Variants in PHYHIPL observed in about 807,000 individuals in gnomAD.
PHYHIPL encodes the protein phytanoyl-CoA 2-hydroxylase interacting protein like.
Under a neutral mutation model 33.4 loss-of-function variants are expected in PHYHIPL, and 9 were observed. The observed-to-expected ratio is 0.27, with a 90% CI of 0.16 to 0.47. The LOEUF (loss-of-function observed/expected upper bound fraction) is 0.47, where lower values mean the gene tolerates loss of function less well. Ranked by LOEUF, PHYHIPL falls within the 20% of genes least tolerant of loss-of-function variation. The pLI, the probability that PHYHIPL is intolerant of heterozygous loss-of-function variation, is 0.99. For missense variants in PHYHIPL, 365 were observed against 460.7 expected, an observed-to-expected ratio of 0.79 and a Z score of 1.90; for synonymous variants, 153 against 154.1, an observed-to-expected ratio of 0.99 and a Z score of 0.05.
At chr10:59,206,265 A>G (rs1056692516) in intron 1 of PHYHIPL, among the ~76,000 whole-genome samples, 3 of 152,152 alleles carry the variant, frequency 2.0e-5, no homozygotes, top group East Asian at 3.9e-4. Context: ...CAATAACCTA[A>G]TAGCCTGATC....
At chr10:59,194,123 C>G (rs1251493866) in intron 1 of PHYHIPL, among the ~76,000 whole-genome samples, 1 of 147,206 alleles carries the variant, frequency 6.8e-6, no homozygotes, top group African/African-American at 2.5e-5. Context: ...GCCCTGTTGC[C>G]CAGGCTGGAG....
intron 1 of PHYHIPL, among the ~76,000 whole-genome samples, chr10:59,203,608 T>A (rs1177954865): frequency 4.6e-5 from 7 of 152,076 alleles, no homozygotes; most frequent in African/African-American, 1.4e-4. Flanking sequence ...TGAGTTCATG[T>A]CCTTTGTAGG....
At chr10:59,240,719 T>C (rs1184058930) in intron 4 of PHYHIPL, among the ~76,000 whole-genome samples, 1 of 152,096 alleles carries the variant, frequency 6.6e-6, no homozygotes, top group Non-Finnish European at 1.5e-5. Flanking sequence ...AATAATTACA[T>C]CTTTGATTTT....
At chr10:59,180,392 T>C (rs1838385710) in intron 1 of PHYHIPL, among the ~76,000 whole-genome samples, 1 of 137,030 alleles carries the variant, frequency 7.3e-6, no homozygotes, top group African/African-American at 2.7e-5. Context: ...CAGGAAAGAT[T>C]TATCTACATG....
At chr10:59,212,677 T>C (rs1839493920) in intron 1 of PHYHIPL, among the ~76,000 whole-genome samples, 1 of 152,234 alleles carries the variant, frequency 6.6e-6, no homozygotes, top group African/African-American at 2.4e-5. Context: ...TATTCTGGTT[T>C]GGGGAAGAGA....
chr10:59,220,186 ATAAAT>A (rs1298058365), intron 1 of PHYHIPL, among the ~76,000 whole-genome samples: 3 of 152,146 alleles, frequency 2.0e-5, no homozygotes, highest in Non-Finnish European at 2.9e-5. Context: ...CAACTATTAA[ATAAAT>A]TAAAGTTGAT....
At chr10:59,187,900 T>C (rs1838659785) in intron 1 of PHYHIPL, among the ~76,000 whole-genome samples, 1 of 152,178 alleles carries the variant, frequency 6.6e-6, no homozygotes, top group Non-Finnish European at 1.5e-5. Flanking sequence ...ATTTTGTTGA[T>C]CTTTTCAAAA....
At chr10:59,230,826 G>C (rs1045761388) in intron 1 of PHYHIPL, among the ~76,000 whole-genome samples, 1 of 152,048 alleles carries the variant, frequency 6.6e-6, no homozygotes, top group African/African-American at 2.4e-5. Flanking sequence ...ACCATGGCGG[G>C]GGGGCTTCCA....
At chr10:59,177,101 C>T (rs1325383726) in intron 1 of PHYHIPL, 142 bp downstream of exon 1, 2 of 692,338 alleles carry the variant, frequency 2.9e-6, no homozygotes, top group South Asian at 3.9e-5. Context: ...ATGTGGGTTA[C>T]CCTCCGCCCA....
intron 1 of PHYHIPL, among the ~76,000 whole-genome samples, chr10:59,224,566 C>G (rs1217426138): frequency 6.6e-6 from 1 of 152,154 alleles, no homozygotes. Context: ...TTTAAAATAT[C>G]AGTTCTTGGA....
At chr10:59,179,164 G>A (rs144976766) in intron 1 of PHYHIPL, among the ~76,000 whole-genome samples, 131 of 152,218 alleles carry the variant, frequency 8.6e-4, no homozygotes, top group African/African-American at 2.9e-3. Context: ...GAATAATGTC[G>A]TTTGTTTTTA....
intron 1 of PHYHIPL, among the ~76,000 whole-genome samples, chr10:59,179,771 AAT>A (rs1470723468): frequency 6.7e-6 from 1 of 150,254 alleles, no homozygotes; most frequent in Non-Finnish European, 1.5e-5. Flanking sequence ...AAAAATATTT[AAT>A]AGTTTCTGAA....
intron 1 of PHYHIPL, among the ~76,000 whole-genome samples, chr10:59,178,549 A>G (rs1470660964): frequency 6.6e-6 from 1 of 152,180 alleles, no homozygotes; most frequent in Admixed American, 6.5e-5. Flanking sequence ...GTTGAGAGAA[A>G]CACAAGACTA....
intron 1 of PHYHIPL, among the ~76,000 whole-genome samples, chr10:59,193,697 T>C (rs2452514): frequency 0.046 from 7,015 of 152,192 alleles, 454 homozygotes; most frequent in African/African-American, 0.14. Flanking sequence ...ATATGGTTTT[T>C]TAGTTTTTGT....
chr10:59,174,070 G>A (rs1387398865), upstream of PHYHIPL, among the ~76,000 whole-genome samples: 1 of 151,412 alleles, frequency 6.6e-6, no homozygotes, highest in Admixed American at 6.6e-5. Flanking sequence ...TTACTGGAAT[G>A]TGGTTCCTGC....
intron 1 of PHYHIPL, among the ~76,000 whole-genome samples, chr10:59,197,055 A>G (rs1303805565): frequency 6.6e-6 from 1 of 152,162 alleles, no homozygotes; most frequent in Non-Finnish European, 1.5e-5. Context: ...CAACACCACA[A>G]ATTTAGAAGC....
chr10:59,182,574 C>T (rs1015159781), intron 1 of PHYHIPL, among the ~76,000 whole-genome samples: 1 of 152,158 alleles, frequency 6.6e-6, no homozygotes, highest in African/African-American at 2.4e-5. Flanking sequence ...AACTCCCGAC[C>T]TCGTGATCTG....
At chr10:59,209,198 A>T (rs1354872174) in intron 1 of PHYHIPL, among the ~76,000 whole-genome samples, 1 of 152,228 alleles carries the variant, frequency 6.6e-6, no homozygotes, top group South Asian at 2.1e-4. Context: ...GTTACCCACA[A>T]AGGGAAGCCC....
intron 1 of PHYHIPL, chr10:59,219,123 C>A: frequency 6.4e-6 from 2 of 314,846 alleles, no homozygotes; most frequent in Non-Finnish European, 9.2e-6. Context: ...TGGCCACACA[C>A]AGAAAAATAA....
Sources: gnomAD v4.1 joint callset for allele counts (sites outside exome capture counted in the v4.1 genomes callset) on GRCh38, gnomAD v4.1.1 for gene constraint, MANE v1.5 for transcripts, NCBI Gene and HGNC (gene_info 2026-07-23, HGNC 2026-07-21) for gene names.